The following PTPRD variants were observed in gnomAD, a reference collection of about 807,000 sequenced individuals.
The protein encoded by PTPRD is protein tyrosine phosphatase receptor type D.
PTPRD carries 34 observed loss-of-function variants against 214.5 expected under a neutral mutation model. That is an observed-to-expected ratio of 0.16 (90% confidence interval 0.12 to 0.21). The LOEUF (loss-of-function observed/expected upper bound fraction) is 0.21, where lower values mean the gene tolerates loss of function less well. PTPRD is among the 10% of genes least tolerant of loss of function. PTPRD has a pLI of 1.00. For missense variants in PTPRD, 2,545 were observed against 2,398.7 expected (o/e 1.06, Z -1.27); for synonymous variants, 1,128 against 845.7 (o/e 1.33, Z -5.79).
chr9:9,400,531 GT>G (rs938029511), intron 8 of PTPRD, among the ~76,000 whole-genome samples: 13 of 151,704 alleles, frequency 8.6e-5, no homozygotes, highest in African/African-American at 1.9e-4. Context: ...CAAAAAAAAA[GT>G]TTTTTTTCAG....
chr9:8,865,016 G>C (rs1006483702), intron 11 of PTPRD, among the ~76,000 whole-genome samples: 1 of 152,212 alleles, frequency 6.6e-6, no homozygotes, highest in East Asian at 1.9e-4. Flanking sequence ...AGAAAATTTT[G>C]GGCCAGGTAT....
At chr9:10,063,465 C>T (rs768935021) in intron 3 of PTPRD, among the ~76,000 whole-genome samples, 4 of 151,932 alleles carry the variant, frequency 2.6e-5, no homozygotes, top group Non-Finnish European at 4.4e-5. Flanking sequence ...AAAGAGAAAT[C>T]TTGGGGTTTA....
chr9:10,567,699 C>T (rs2066048304), intron 2 of PTPRD, among the ~76,000 whole-genome samples: 1 of 151,628 alleles, frequency 6.6e-6, no homozygotes, highest in South Asian at 2.1e-4. Flanking sequence ...TTTAAAAAAA[C>T]CTTTGGTTTT....
At chr9:10,209,326 A>G (rs1271397419) in intron 3 of PTPRD, among the ~76,000 whole-genome samples, 6 of 152,208 alleles carry the variant, frequency 3.9e-5, no homozygotes, top group Non-Finnish European at 8.8e-5. Flanking sequence ...TGAAAATGAA[A>G]AATAAAATTT....
intron 9 of PTPRD, among the ~76,000 whole-genome samples, chr9:9,236,573 C>G (rs1196180239): frequency 7.2e-6 from 1 of 139,020 alleles, no homozygotes; most frequent in Non-Finnish European, 1.6e-5. Flanking sequence ...AAATCTAGCT[C>G]CATTTCCTTA....
At chr9:9,487,395 C>CT (rs1165435228) in intron 8 of PTPRD, among the ~76,000 whole-genome samples, 4 of 152,070 alleles carry the variant, frequency 2.6e-5, no homozygotes. Flanking sequence ...CGAACTCATC[C>CT]TTTTTTATGG....
chr9:8,992,278 T>A (rs1275902270), intron 11 of PTPRD, among the ~76,000 whole-genome samples: 1 of 152,164 alleles, frequency 6.6e-6, no homozygotes, highest in Non-Finnish European at 1.5e-5. Context: ...AGGAAAGACT[T>A]TTTCACACTG....
chr9:9,386,090 T>G (rs951019442), intron 9 of PTPRD, among the ~76,000 whole-genome samples: 1 of 152,150 alleles, frequency 6.6e-6, no homozygotes, highest in African/African-American at 2.4e-5. Flanking sequence ...GAGGCAACTA[T>G]TTGTTTACCC....
chr9:9,573,119 A>C (rs1162222869), intron 8 of PTPRD, among the ~76,000 whole-genome samples: 2 of 151,736 alleles, frequency 1.3e-5, no homozygotes, highest in African/African-American at 4.8e-5. Flanking sequence ...AATATTAGAA[A>C]GGGTTAATAA....
rs867738197 is a variant in PTPRD, at chr9:9,087,967, C to T, written c.-142-69232G>A. ...AGTGGCATTAGCTCACTGAAACCTC[C>T]ACCTTCCAGGTTCAAGAGATTCTCT... On this transcript the variant is annotated intron_variant, in intron 10 of 45. Transcript: ENST00000381196. Among the ~76,000 whole-genome samples the T allele has an allele frequency of 2.9e-4, 42 of 143,948 alleles. 1 individual carries two copies. Among genetic ancestry groups the T allele is most frequent in the African/African-American group, 9.4e-4 (37 of 39,320 alleles). The allele number at this position is 143,948 out of a possible 152,430, so 94.4% of individuals were successfully genotyped here. A position where few individuals can be genotyped will look rare whatever the true frequency, so the allele number is the denominator to read the frequency against.
At chr9:8,729,560 T>C (rs2098632112) in intron 12 of PTPRD, among the ~76,000 whole-genome samples, 1 of 152,234 alleles carries the variant, frequency 6.6e-6, no homozygotes, top group South Asian at 2.1e-4. Flanking sequence ...TACCTTGTGT[T>C]ATCTGCTAAT....
intron 4 of PTPRD, among the ~76,000 whole-genome samples, chr9:10,033,506 T>C (rs2097122860): frequency 1.3e-5 from 2 of 151,958 alleles, no homozygotes; most frequent in South Asian, 4.1e-4. Flanking sequence ...TTTTGTTTTA[T>C]ATCTATAAGT....
At chr9:9,554,084 C>T (rs2080957571) in intron 8 of PTPRD, among the ~76,000 whole-genome samples, 1 of 151,982 alleles carries the variant, frequency 6.6e-6, no homozygotes, top group African/African-American at 2.4e-5. Flanking sequence ...TGAAACTTCA[C>T]CTTTTACGCT....
chr9:10,062,473 G>A (rs911122227), intron 3 of PTPRD, among the ~76,000 whole-genome samples: 1 of 152,022 alleles, frequency 6.6e-6, no homozygotes. Context: ...GGGCGTGGTG[G>A]CAGCAGCCTG....
chr9:10,210,576 G>A (rs544459083), intron 3 of PTPRD, among the ~76,000 whole-genome samples: 3 of 151,308 alleles, frequency 2.0e-5, no homozygotes, highest in East Asian at 3.9e-4. Context: ...CCTCAATAAA[G>A]TGACTCATGT....
intron 2 of PTPRD, among the ~76,000 whole-genome samples, chr9:10,454,715 A>G (rs1476578314): frequency 6.6e-6 from 1 of 151,562 alleles, no homozygotes; most frequent in Non-Finnish European, 1.5e-5. Flanking sequence ...ATTTGCATTA[A>G]TTGTTTCCTC....
intron 14 of PTPRD, among the ~76,000 whole-genome samples, chr9:8,595,172 GT>G (rs60646648): frequency 0.12 from 15,367 of 131,452 alleles, 1,636 homozygotes; most frequent in African/African-American, 0.28. Context: ...CCCTAAACCT[GT>G]TTTTTTTTTT....
intron 7 of PTPRD, among the ~76,000 whole-genome samples, chr9:9,709,624 C>T (rs895894312): frequency 2.6e-5 from 4 of 151,988 alleles, no homozygotes; most frequent in African/African-American, 7.2e-5. Flanking sequence ...GTACATTTCA[C>T]ATTCAGCCAT....
chr9:8,645,375 T>G (rs987983113), intron 12 of PTPRD, among the ~76,000 whole-genome samples: 2 of 152,246 alleles, frequency 1.3e-5, no homozygotes, highest in Non-Finnish European at 2.9e-5. Flanking sequence ...ATTTTACTTA[T>G]ACATTCCATT....
Sources: gnomAD v4.1 joint callset for allele counts (sites outside exome capture counted in the v4.1 genomes callset) on GRCh38, gnomAD v4.1.1 for gene constraint, MANE v1.5 for transcripts, NCBI Gene and HGNC (gene_info 2026-07-23, HGNC 2026-07-21) for gene names.